The following CRYBG1 variants were observed in gnomAD, a reference collection of about 807,000 sequenced individuals.
The protein encoded by CRYBG1 is beta/gamma crystallin domain-containing protein 1.
A neutral mutation model predicts 189.2 loss-of-function variants in CRYBG1; 139 were observed. The ratio of observed to expected loss-of-function variants is 0.73; its 90% CI spans 0.64 to 0.85. The LOEUF (loss-of-function observed/expected upper bound fraction) is 0.85. CRYBG1 is among the 40% of genes least tolerant of loss of function. The pLI is 0.00. For missense variants in CRYBG1, 2,611 were observed against 2,675.8 expected (o/e 0.98, Z 0.53); for synonymous variants, 1,023 against 1,017.1 (o/e 1.01, Z -0.11).
chr6:106,451,160 G>A (rs180888220), intron 1 of CRYBG1, among the ~76,000 whole-genome samples: 12 of 152,302 alleles, frequency 7.9e-5, no homozygotes, highest in African/African-American at 2.4e-4. Context: ...GCAACCATCA[G>A]AGTCTGTAAA....
In CRYBG1 at chr6:106,558,574, G is replaced by T. The variant is rs79408213; in HGVS notation, c.5804G>T (p.Arg1935Leu). 6.2e-7 allele frequency: 1 copy of T among 1,613,652 alleles called. No homozygotes were observed. Among genetic ancestry groups the T allele is most frequent in the Non-Finnish European group, 8.5e-7 (1 of 1,179,712 alleles). Residue 1935 changes from arginine to leucine, a missense_variant, in exon 18 of 22, where the codon CGA (arginine) becomes CTA (leucine). Coordinates refer to ENST00000633556, the MANE Select transcript of CRYBG1 (RefSeq NM_001371242.2). Reference protein sequence around the residue: ...IELNAETVNLRSLGFNTQIRS... With the variant: ...IELNAETVNLLSLGFNTQIRS... ...CTTAATGCAGAAACTGTCAATCTCC[G>T]ATCCCTGGGATTCAACACACAAATA...
chr6:106,418,982 A>G (rs1346099948), intron 1 of CRYBG1, among the ~76,000 whole-genome samples: 4 of 152,224 alleles, frequency 2.6e-5, no homozygotes, highest in Admixed American at 1.3e-4. Context: ...CACATAGTAC[A>G]TGAATAAGCT....
intron 1 of CRYBG1, among the ~76,000 whole-genome samples, chr6:106,440,687 G>A (rs1309236677): frequency 2.0e-5 from 3 of 152,110 alleles, no homozygotes; most frequent in Non-Finnish European, 2.9e-5. Flanking sequence ...TGACGGAAAG[G>A]GAAAAACCAT....
intron 2 of CRYBG1, among the ~76,000 whole-genome samples, chr6:106,501,700 C>T (rs992417820): frequency 6.6e-6 from 1 of 152,094 alleles, no homozygotes; most frequent in African/African-American, 2.4e-5. Flanking sequence ...TGATTTGATC[C>T]CATTTAGTAG....
intron 1 of CRYBG1, among the ~76,000 whole-genome samples, chr6:106,445,415 G>A (rs1339453711): frequency 1.3e-5 from 2 of 152,134 alleles, no homozygotes; most frequent in Admixed American, 6.6e-5. Flanking sequence ...CTGAAAAATG[G>A]TATGGTTGGG....
intron 1 of CRYBG1, among the ~76,000 whole-genome samples, chr6:106,363,869 T>TGTTAAGG (rs1771928244): frequency 6.6e-6 from 1 of 152,170 alleles, no homozygotes; most frequent in Non-Finnish European, 1.5e-5. Context: ...GCAAAAACCT[T>TGTTAAGG]AACACACTTC....
intron 13 of CRYBG1, among the ~76,000 whole-genome samples, chr6:106,547,323 G>A (rs1770723): frequency 0.89 from 135,438 of 151,968 alleles, 60,632 homozygotes; most frequent in South Asian, 0.96. Flanking sequence ...ATTGCGGTCT[G>A]TTATGTGCAA....
intron 1 of CRYBG1, among the ~76,000 whole-genome samples, chr6:106,404,467 A>C (rs1770778077): frequency 6.6e-6 from 1 of 152,220 alleles, no homozygotes; most frequent in African/African-American, 2.4e-5. Flanking sequence ...GTAACATAAT[A>C]TTTCATTTGT....
chr6:106,361,634 T>C (rs1326036855), intron 1 of CRYBG1, among the ~76,000 whole-genome samples: 15 of 152,236 alleles, frequency 9.9e-5, no homozygotes, highest in Non-Finnish European at 2.1e-4. Context: ...CTTCTCCCCA[T>C]TGGAGCCAGT....
In CRYBG1 at chr6:106,512,978, G is replaced by T. The variant is rs746689695; in HGVS notation, c.1861G>T (p.Gly621Cys). 6.8e-6 allele frequency: 11 copies of T among 1,611,002 alleles called. No homozygotes were observed. The South Asian group carries it at 1.1e-4, about 16-fold the overall frequency. Residue 621 changes from glycine (G) to cysteine (C), a missense_variant, in exon 3 of 22, where the codon GGC (glycine) becomes TGC (cysteine). This residue lies in a region of CRYBG1 where 985 missense variants were observed against 924.4 expected (regional missense o/e 1.07). Transcript: ENST00000633556. ...AGCGCCTGGAGCTTCTGACGCCGAC[G>T]GCTTGAAGCCCAGGAACCATTTCGG... ...AGAPGASDAD[G>C]LKPRNHFGVG...
At position 106,571,700 on chromosome 6, in the gene CRYBG1, A is replaced by C; in HGVS notation, c.*3134A>C. 1 of 302,224 alleles carries C rather than the reference A, an allele frequency of 3.3e-6. No individual in the cohort carries two copies. The highest frequency in any genetic ancestry group is 6.3e-6 in the Non-Finnish European group (1 of 159,322). 18.7% of individuals were successfully genotyped at this position (302,224 alleles called of 1,614,324 possible). ...AGCGAGACCCTGTCTCTAAAACAAA[A>C]AAGACAATAAAGTAGTTTAAGCTAG... On this transcript the variant is annotated 3_prime_UTR_variant, in exon 22 of 22. Coordinates refer to ENST00000633556, the MANE Select transcript of CRYBG1 (RefSeq NM_001371242.2).
At chr6:106,523,705 T>C (rs969919069) in intron 4 of CRYBG1, among the ~76,000 whole-genome samples, 1 of 151,184 alleles carries the variant, frequency 6.6e-6, no homozygotes, top group African/African-American at 2.4e-5. Context: ...TGGCTTCTGA[T>C]AAGGCTCTAG....
rs12332967 is a variant in CRYBG1, at chr6:106,432,845, T to C, written c.174-18849T>C. Among the ~76,000 whole-genome samples, 596 of 147,684 alleles carry C rather than the reference T, an allele frequency of 4.0e-3. 2 individuals are homozygous for C. The highest frequency in any genetic ancestry group is 0.014 in the African/African-American group (570 of 40,228). ...ATTTTCTTTTTCTTTTCTTTCTTTT[T>C]TTTTTTTTTTTTGAGACAGAGTCTC... On this transcript the variant is annotated intron_variant, in intron 1 of 21. Coordinates refer to ENST00000633556, the MANE Select transcript of CRYBG1 (RefSeq NM_001371242.2).
At chr6:106,374,518 A>T (rs1357172383) in intron 1 of CRYBG1, among the ~76,000 whole-genome samples, 1 of 152,218 alleles carries the variant, frequency 6.6e-6, no homozygotes, top group Non-Finnish European at 1.5e-5. Context: ...TGATTGTGCC[A>T]CTGCACTCCA....
rs756860554 is a variant in CRYBG1 at position 106,544,873 on chromosome 6, C to T, written c.5252C>T (p.Ala1751Val). The change falls in exon 13 of 22, where the codon GCT becomes GTT. Residue 1751 changes from alanine to valine, a missense_variant. This residue lies in a region of CRYBG1 where 1,622 missense variants were observed against 1,735.0 expected (regional missense o/e 0.93). Coordinates refer to ENST00000633556, the MANE Select transcript of CRYBG1 (RefSeq NM_001371242.2). ...AGTATTGATGTATTGGGAATTGTTG[C>T]TAATTTAAAGGAGACTGGATATGGA... Reference protein sequence around the residue: ...GSSIDVLGIVANLKETGYGVK... With the variant: ...GSSIDVLGIVVNLKETGYGVK... The T allele has an allele frequency of 6.2e-6, 10 of 1,613,520 alleles. No homozygotes were observed. The African/African-American group carries it at 1.3e-4, about 22-fold the overall frequency.
intron 2 of CRYBG1, among the ~76,000 whole-genome samples, chr6:106,499,376 T>C (rs922840278): frequency 1.7e-4 from 26 of 150,036 alleles, no homozygotes; most frequent in African/African-American, 6.1e-4. Flanking sequence ...GCCAGGCTGG[T>C]CTCGAACTCC....
intron 1 of CRYBG1, among the ~76,000 whole-genome samples, chr6:106,418,792 A>C (rs1005143402): frequency 3.9e-5 from 6 of 152,230 alleles, no homozygotes; most frequent in African/African-American, 1.4e-4. Flanking sequence ...TGAGGTTAAG[A>C]GCAGAGGTTT....
intron 2 of CRYBG1, 33 bp from the exon 3 acceptor site, chr6:106,511,397 A>C (rs761087634): frequency 2.7e-5 from 40 of 1,499,332 alleles, no homozygotes; most frequent in Non-Finnish European, 3.1e-5. Flanking sequence ...CCAGATTCTC[A>C]TATGTTCCCT....
chr6:106,424,727 G>T (rs1024757021), intron 1 of CRYBG1, among the ~76,000 whole-genome samples: 3 of 152,154 alleles, frequency 2.0e-5, no homozygotes, highest in Non-Finnish European at 4.4e-5. Context: ...CTCCCAAAGT[G>T]CTGAGATTAC....
Sources: allele counts gnomAD v4.1 joint callset (sites outside exome capture counted in the v4.1 genomes callset), GRCh38; gene constraint gnomAD v4.1.1; regional missense constraint gnomAD v4.1.1; transcripts MANE v1.5; gene names NCBI Gene and HGNC (gene_info 2026-07-23, HGNC 2026-07-21).